Variants in PCDH15 observed in about 807,000 individuals in gnomAD.
PCDH15 encodes protocadherin related 15.
PCDH15 carries 129 observed loss-of-function variants against 178.5 expected under a neutral mutation model. The ratio of observed to expected loss-of-function variants is 0.72; its 90% CI spans 0.63 to 0.84. PCDH15 has a LOEUF of 0.84. Among genes scored for constraint, PCDH15 ranks in the 40% least tolerant of loss-of-function variants. The pLI is 0.00. For synonymous variants in PCDH15, 800 were observed against 732.0 expected (o/e 1.09, Z -1.50); for missense variants, 2,230 against 2,099.9 (o/e 1.06, Z -1.21).
intron 2 of PCDH15, among the ~76,000 whole-genome samples, chr10:55,587,178 C>G (rs191171620): frequency 3.9e-5 from 6 of 152,050 alleles, no homozygotes; most frequent in Admixed American, 1.3e-4. Flanking sequence ...ACATGTTATA[C>G]AAGAGAAGAA....
At chr10:55,490,280 G>T (rs1840383008) in intron 2 of PCDH15, among the ~76,000 whole-genome samples, 1 of 151,708 alleles carries the variant, frequency 6.6e-6, no homozygotes, top group Non-Finnish European at 1.5e-5. Flanking sequence ...CCTAGAATTT[G>T]CAAGACGGAG....
intron 2 of PCDH15, among the ~76,000 whole-genome samples, chr10:55,510,462 T>G (rs568555701): frequency 6.6e-6 from 1 of 151,952 alleles, no homozygotes; most frequent in Non-Finnish European, 1.5e-5. Flanking sequence ...AGCTAACGTG[T>G]TTTTCTCCCT....
chr10:54,652,982 T>C (rs2094295924), intron 2 of PCDH15, among the ~76,000 whole-genome samples: 1 of 152,222 alleles, frequency 6.6e-6, no homozygotes, highest in Non-Finnish European at 1.5e-5. Flanking sequence ...AAACAAAACA[T>C]ATTTTATATA....
At chr10:55,173,650 A>G (rs1384629371) in intron 1 of PCDH15, among the ~76,000 whole-genome samples, 1 of 152,074 alleles carries the variant, frequency 6.6e-6, no homozygotes. Flanking sequence ...GTTATTAGAG[A>G]TATTTATTGA....
intron 2 of PCDH15, among the ~76,000 whole-genome samples, chr10:55,530,478 A>G (rs555791323): frequency 6.6e-6 from 1 of 152,104 alleles, no homozygotes; most frequent in African/African-American, 2.4e-5. Flanking sequence ...GTGAGGATCT[A>G]TTCTGATTCT....
intron 1 of PCDH15, among the ~76,000 whole-genome samples, chr10:55,233,568 AT>A (rs571336458): frequency 2.8e-3 from 427 of 152,062 alleles, no homozygotes; most frequent in Non-Finnish European, 4.9e-3. Context: ...GCACTGATTC[AT>A]TTTTTTACTC....
chr10:54,656,327 G>T (rs2094405976), intron 2 of PCDH15, among the ~76,000 whole-genome samples: 1 of 151,972 alleles, frequency 6.6e-6, no homozygotes, highest in Non-Finnish European at 1.5e-5. Flanking sequence ...GGAACTTAGA[G>T]ACCCCAAAAA....
At chr10:55,228,592 C>T (rs117041484) in intron 1 of PCDH15, among the ~76,000 whole-genome samples, 9,337 of 152,008 alleles carry the variant, frequency 0.061, 358 homozygotes, top group Non-Finnish European at 0.09. Flanking sequence ...TTATCAAATA[C>T]ATGTATGTTT....
chr10:54,059,347 A>G (rs1157233362), intron 18 of PCDH15, among the ~76,000 whole-genome samples: 2 of 152,322 alleles, frequency 1.3e-5, no homozygotes, highest in South Asian at 2.1e-4. Context: ...AGTATGCACA[A>G]TAACAGTAAT....
intron 1 of PCDH15, among the ~76,000 whole-genome samples, chr10:55,175,608 G>T (rs1428513567): frequency 6.9e-6 from 1 of 144,158 alleles, no homozygotes. Context: ...AGAGGTTGCA[G>T]TGAGCCAAGA....
intron 1 of PCDH15, among the ~76,000 whole-genome samples, chr10:55,172,562 T>C (rs145116299): frequency 0.016 from 2,411 of 152,178 alleles, 35 homozygotes; most frequent in Middle Eastern, 0.082. Flanking sequence ...TAACACCATT[T>C]TGAAATTTAA....
chr10:55,590,422 C>T (rs967860212), intron 2 of PCDH15, among the ~76,000 whole-genome samples: 2 of 151,684 alleles, frequency 1.3e-5, no homozygotes, highest in African/African-American at 4.8e-5. Flanking sequence ...TGTAACTAAC[C>T]TGCATGTTGT....
chr10:55,105,605 T>C (rs138143984), intron 2 of PCDH15, among the ~76,000 whole-genome samples: 1,928 of 152,224 alleles, frequency 0.013, 30 homozygotes, highest in Non-Finnish European at 0.018. Flanking sequence ...ATATGCAGGG[T>C]AGATGAATTC....
intron 3 of PCDH15, among the ~76,000 whole-genome samples, chr10:54,432,370 TACAAACAGAC>T (rs907933002): frequency 2.9e-4 from 44 of 152,188 alleles, no homozygotes; most frequent in African/African-American, 1.0e-3. Flanking sequence ...GGTCTGGGCA[TACAAACAGAC>T]ACATGGACTA....
intron 2 of PCDH15, among the ~76,000 whole-genome samples, chr10:55,581,918 G>A (rs1290170666): frequency 8.5e-5 from 13 of 152,048 alleles, no homozygotes; most frequent in Non-Finnish European, 8.8e-5. Flanking sequence ...GCACAATCTC[G>A]GCTCACTGCA....
chr10:55,501,810 T>C (rs917361993), intron 2 of PCDH15, among the ~76,000 whole-genome samples: 20 of 151,718 alleles, frequency 1.3e-4, no homozygotes, highest in Non-Finnish European at 2.9e-4. Context: ...GACAGTACCA[T>C]GGTCAAGATT....
intron 7 of PCDH15, among the ~76,000 whole-genome samples, chr10:54,325,642 A>G (rs1378757789): frequency 6.6e-6 from 1 of 151,988 alleles, no homozygotes; most frequent in Non-Finnish European, 1.5e-5. Context: ...CCAGCTACTC[A>G]GGAGGCTGAG....
intron 5 of PCDH15, among the ~76,000 whole-genome samples, chr10:54,366,240 A>T (rs1053579541): frequency 1.3e-5 from 2 of 152,108 alleles, no homozygotes; most frequent in African/African-American, 4.8e-5. Context: ...TAATGACTTT[A>T]TTATACCTGT....
chr10:54,915,718 T>C (rs1029458744), intron 2 of PCDH15, among the ~76,000 whole-genome samples: 3 of 152,208 alleles, frequency 2.0e-5, no homozygotes, highest in Non-Finnish European at 4.4e-5. Context: ...GAAACCTTCC[T>C]CCTTAAGCTG....
Sources: allele counts gnomAD v4.1 joint callset (sites outside exome capture counted in the v4.1 genomes callset), GRCh38; gene constraint gnomAD v4.1.1; transcripts MANE v1.5; gene names NCBI Gene and HGNC (gene_info 2026-07-23, HGNC 2026-07-21).